ZBTB20: variants seen among roughly 807,000 people sequenced by gnomAD.
The protein encoded by ZBTB20 is zinc finger and BTB domain-containing protein 20.
In ZBTB20, 9 loss-of-function variants were observed where a neutral mutation model predicts 56.9. That is an observed-to-expected ratio of 0.16 (90% CI 0.10 to 0.28). The LOEUF (loss-of-function observed/expected upper bound fraction) is 0.28, where lower values mean the gene tolerates loss of function less well. Among genes scored for constraint, ZBTB20 ranks in the 10% least tolerant of loss-of-function variants. The pLI, the probability that ZBTB20 is intolerant of heterozygous loss-of-function variation, is 1.00. For synonymous variants in ZBTB20, 417 were observed against 420.7 expected (o/e 0.99, Z 0.11); for missense variants, 655 against 1,003.0 (o/e 0.65, Z 4.69).
chr3:114,667,599 T>C (rs2061132493), intron 6 of ZBTB20, among the ~76,000 whole-genome samples: 1 of 151,986 alleles, frequency 6.6e-6, no homozygotes, highest in South Asian at 2.1e-4. Flanking sequence ...ACACAAAAGA[T>C]TTAGTGGCTA....
At chr3:114,728,598 G>A (rs1046726641) in intron 5 of ZBTB20, among the ~76,000 whole-genome samples, 2 of 152,154 alleles carry the variant, frequency 1.3e-5, no homozygotes, top group South Asian at 2.1e-4. Flanking sequence ...TGTAACCATC[G>A]TCTAGTTACA....
At chr3:114,726,130 GGC>G (rs1262679399) in intron 5 of ZBTB20, among the ~76,000 whole-genome samples, 1 of 152,184 alleles carries the variant, frequency 6.6e-6, no homozygotes, top group Non-Finnish European at 1.5e-5. Context: ...AGAGAATGCT[GGC>G]ATGACTGGTA....
intron 6 of ZBTB20, among the ~76,000 whole-genome samples, chr3:114,632,104 T>G (rs750622209): frequency 1.9e-4 from 29 of 152,224 alleles, no homozygotes; most frequent in Non-Finnish European, 3.2e-4. Flanking sequence ...TTTACCTATG[T>G]CTGGCCATCA....
intron 6 of ZBTB20, among the ~76,000 whole-genome samples, chr3:114,644,841 T>G (rs1578134889): frequency 6.6e-6 from 1 of 152,246 alleles, no homozygotes; most frequent in East Asian, 1.9e-4. Flanking sequence ...CACAGAATTA[T>G]GTAGTTGTGG....
At chr3:114,670,747 G>A (rs554808455) in intron 6 of ZBTB20, among the ~76,000 whole-genome samples, 1 of 152,044 alleles carries the variant, frequency 6.6e-6, no homozygotes, top group Non-Finnish European at 1.5e-5. Flanking sequence ...TAAAATAACT[G>A]AAGAACAATA....
intron 5 of ZBTB20, among the ~76,000 whole-genome samples, chr3:114,788,729 C>A (rs1057474719): frequency 5.3e-5 from 8 of 152,114 alleles, no homozygotes; most frequent in Non-Finnish European, 1.0e-4. Flanking sequence ...AGGATGTATT[C>A]ATTTGCTCTC....
intron 6 of ZBTB20, among the ~76,000 whole-genome samples, chr3:114,647,866 T>A (rs1471258871): frequency 6.6e-6 from 1 of 152,160 alleles, no homozygotes; most frequent in Non-Finnish European, 1.5e-5. Context: ...TTCGTTGACA[T>A]CTCTTTAATC....
intron 6 of ZBTB20, among the ~76,000 whole-genome samples, chr3:114,558,811 C>T (rs1439592304): frequency 6.6e-6 from 1 of 152,156 alleles, no homozygotes; most frequent in Non-Finnish European, 1.5e-5. Context: ...TCTCTGAACA[C>T]ATCACCAGTA....
chr3:114,620,778 A>C (rs1424701227), intron 6 of ZBTB20, among the ~76,000 whole-genome samples: 1 of 152,196 alleles, frequency 6.6e-6, no homozygotes, highest in Non-Finnish European at 1.5e-5. Context: ...TCATATATAG[A>C]AAAAACTTCA....
intron 3 of ZBTB20, among the ~76,000 whole-genome samples, chr3:114,960,154 T>C (rs1355943597): frequency 6.6e-6 from 1 of 152,216 alleles, no homozygotes; most frequent in Non-Finnish European, 1.5e-5. Flanking sequence ...CTAGAATATA[T>C]AATCTATTCA....
intron 6 of ZBTB20, among the ~76,000 whole-genome samples, chr3:114,628,670 T>G (rs1056494151): frequency 5.3e-5 from 8 of 152,180 alleles, no homozygotes; most frequent in African/African-American, 1.7e-4. Context: ...TCCAAACTTT[T>G]TGAAATTTCC....
chr3:114,614,715 C>A (rs1472299886), intron 6 of ZBTB20, among the ~76,000 whole-genome samples: 2 of 151,302 alleles, frequency 1.3e-5, no homozygotes, highest in Non-Finnish European at 2.9e-5. Flanking sequence ...ATTGTAGTGT[C>A]CAATCTCATA....
intron 1 of ZBTB20, among the ~76,000 whole-genome samples, chr3:115,142,798 T>C (rs1356091038): frequency 6.6e-6 from 1 of 152,152 alleles, no homozygotes; most frequent in African/African-American, 2.4e-5. Context: ...CACAAACTGC[T>C]CTAAAGTGCA....
chr3:114,397,756 G>A lies in ZBTB20; in HGVS notation c.-254-8651C>T, dbSNP rs558788618. The stretch of plus-strand genomic sequence containing the variant: ...TTTTCAAACTCGCAAGTGTACACAG[G>A]ATATTAAGGTGCTGGAAGCCTAATC... On this transcript the variant is annotated intron_variant, in intron 7 of 11. Coordinates refer to ENST00000675478, the MANE Select transcript of ZBTB20 (RefSeq NM_001348800.3). Among the ~76,000 whole-genome samples the A allele has an allele frequency of 5.3e-5, 8 of 152,266 alleles. No individual in the cohort carries two copies. The South Asian group carries it at 1.5e-3, about 28-fold the overall frequency.
chr3:114,476,698 A>G (rs2040812271), intron 7 of ZBTB20, among the ~76,000 whole-genome samples: 1 of 152,244 alleles, frequency 6.6e-6, no homozygotes, highest in South Asian at 2.1e-4. Flanking sequence ...CAGAGCCCTC[A>G]TGACTGAATC....
chr3:114,853,532 C>T (rs978770031), intron 4 of ZBTB20, among the ~76,000 whole-genome samples: 1 of 152,214 alleles, frequency 6.6e-6, no homozygotes, highest in Non-Finnish European at 1.5e-5. Context: ...TAGCTCCTCT[C>T]CAATCCTTCT....
At chr3:114,768,271 T>C (rs1022259797) in intron 5 of ZBTB20, among the ~76,000 whole-genome samples, 1 of 152,026 alleles carries the variant, frequency 6.6e-6, no homozygotes, top group African/African-American at 2.4e-5. Context: ...ATAAAAAATA[T>C]GACTTGACCA....
intron 5 of ZBTB20, among the ~76,000 whole-genome samples, chr3:114,762,622 A>G (rs1251109949): frequency 1.3e-5 from 2 of 152,136 alleles, no homozygotes; most frequent in Non-Finnish European, 2.9e-5. Context: ...TGTTTATTCT[A>G]TGGATATTGG....
At chr3:114,387,684 T>A (rs4682538) in intron 8 of ZBTB20, 1 of 152,052 alleles carries the variant, frequency 6.6e-6, no homozygotes, top group Non-Finnish European at 1.5e-5. Context: ...AGTTACTCTG[T>A]GATGAAGAAA....
Sources: allele counts gnomAD v4.1 joint callset (sites outside exome capture counted in the v4.1 genomes callset), GRCh38; gene constraint gnomAD v4.1.1; transcripts MANE v1.5; gene names NCBI Gene and HGNC (gene_info 2026-07-23, HGNC 2026-07-21).